Variants in WWOX observed in about 807,000 individuals in gnomAD.
WWOX encodes WW domain-containing oxidoreductase.
WWOX carries 69 observed loss-of-function variants against 46.2 expected under a neutral mutation model. That is an observed-to-expected ratio of 1.49 (90% CI 1.23 to 1.82). The LOEUF is 1.82. WWOX is among the 40% of genes most tolerant of loss of function. The probability of loss-of-function intolerance (pLI) is 0.00; values close to 1 mark genes in which losing one functional copy is unlikely to be tolerated. For missense variants in WWOX, 919 were observed against 542.6 expected, an observed-to-expected ratio of 1.69 and a Z score of -6.89; for synonymous variants, 359 against 202.6, an observed-to-expected ratio of 1.77 and a Z score of -6.56.
intron 5 of WWOX, among the ~76,000 whole-genome samples, chr16:78,357,930 T>G (rs1008514969): frequency 6.6e-6 from 1 of 152,164 alleles, no homozygotes; most frequent in African/African-American, 2.4e-5. Flanking sequence ...GTGGACGCAT[T>G]GAGTAGGAGA....
At chr16:78,309,569 T>C (rs1000957818) in intron 5 of WWOX, among the ~76,000 whole-genome samples, 2 of 152,136 alleles carry the variant, frequency 1.3e-5, no homozygotes, top group Admixed American at 1.3e-4. Flanking sequence ...TTTTTTCCCC[T>C]AAAGTGTATA....
chr16:79,165,010 T>C (rs765965493), intron 8 of WWOX, among the ~76,000 whole-genome samples: 14 of 152,164 alleles, frequency 9.2e-5, no homozygotes, highest in Non-Finnish European at 4.4e-5. Flanking sequence ...CACACCCTTA[T>C]GTATAGACTT....
At chr16:79,032,464 T>A (rs1331931568) in intron 8 of WWOX, among the ~76,000 whole-genome samples, 1 of 147,726 alleles carries the variant, frequency 6.8e-6, no homozygotes, top group African/African-American at 2.5e-5. Flanking sequence ...CTATATATTA[T>A]AATAAACCCA....
chr16:78,128,285 A>G (rs564630561), intron 4 of WWOX, among the ~76,000 whole-genome samples: 2 of 152,290 alleles, frequency 1.3e-5, no homozygotes, highest in South Asian at 2.1e-4. Flanking sequence ...ACAGGGTTGC[A>G]TGTCATGCAA....
At chr16:78,621,883 G>A (rs892768609) in intron 8 of WWOX, among the ~76,000 whole-genome samples, 1 of 151,982 alleles carries the variant, frequency 6.6e-6, no homozygotes, top group African/African-American at 2.4e-5. Context: ...GGGATTACAG[G>A]CGTGAGCCAC....
At chr16:78,928,712 C>G (rs530597478) in intron 8 of WWOX, among the ~76,000 whole-genome samples, 19 of 152,142 alleles carry the variant, frequency 1.2e-4, no homozygotes, top group African/African-American at 3.1e-4. Flanking sequence ...ATATTTGGCT[C>G]TCTTTCATCA....
At chr16:78,947,121 A>G (rs1479714893) in intron 8 of WWOX, among the ~76,000 whole-genome samples, 1 of 151,816 alleles carries the variant, frequency 6.6e-6, no homozygotes, top group Admixed American at 6.6e-5. Context: ...AAAGAGGGGG[A>G]AAAAGGAATG....
intron 5 of WWOX, among the ~76,000 whole-genome samples, chr16:78,258,762 G>A (rs1173153380): frequency 6.7e-6 from 1 of 149,018 alleles, no homozygotes; most frequent in Non-Finnish European, 1.5e-5. Context: ...AGGCCCACAT[G>A]GCTTTTCTTT....
intron 8 of WWOX, among the ~76,000 whole-genome samples, chr16:78,677,965 C>T (rs1214806152): frequency 2.6e-5 from 4 of 152,202 alleles, no homozygotes; most frequent in African/African-American, 9.6e-5. Flanking sequence ...GGGATGACAT[C>T]CTTAGCCACT....
chr16:78,833,906 G>A (rs893702127), intron 8 of WWOX, among the ~76,000 whole-genome samples: 1 of 152,246 alleles, frequency 6.6e-6, no homozygotes, highest in African/African-American at 2.4e-5. Context: ...TCTCCCAGTG[G>A]AATATAAGTT....
chr16:78,394,289 CAG>C (rs1198896485), intron 6 of WWOX, among the ~76,000 whole-genome samples: 5 of 152,256 alleles, frequency 3.3e-5, no homozygotes, highest in South Asian at 4.1e-4. Context: ...AAAAGAAAAA[CAG>C]AGGCAGTTTT....
chr16:79,128,583 G>T (rs1341211756), intron 8 of WWOX, among the ~76,000 whole-genome samples: 1 of 152,060 alleles, frequency 6.6e-6, no homozygotes, highest in Non-Finnish European at 1.5e-5. Context: ...GCTTTATAAC[G>T]GTTTGATTTC....
intron 8 of WWOX, among the ~76,000 whole-genome samples, chr16:78,496,894 C>A (rs2084931474): frequency 6.6e-6 from 1 of 152,176 alleles, no homozygotes; most frequent in South Asian, 2.1e-4. Context: ...CTGTTGAAGC[C>A]AGATGGCCTT....
chr16:78,499,188 T>G (rs944480374), intron 8 of WWOX, among the ~76,000 whole-genome samples: 2 of 151,622 alleles, frequency 1.3e-5, no homozygotes, highest in African/African-American at 4.8e-5. Context: ...CACTTGAAGG[T>G]GTCCACGCTG....
At chr16:78,898,072 C>A (rs879006845) in intron 8 of WWOX, 8 of 149,876 alleles carry the variant, frequency 5.3e-5, no homozygotes, top group African/African-American at 2.0e-4. Flanking sequence ...CTTTTTTTTT[C>A]ATATGTACTG....
At chr16:78,967,612 T>G (rs1214078617) in intron 8 of WWOX, among the ~76,000 whole-genome samples, 2 of 151,928 alleles carry the variant, frequency 1.3e-5, no homozygotes, top group Admixed American at 1.3e-4. Context: ...ATACCCCCTA[T>G]GTAGACTTTT....
intron 8 of WWOX, among the ~76,000 whole-genome samples, chr16:78,793,914 A>G (rs2142612409): frequency 6.6e-6 from 1 of 152,278 alleles, no homozygotes; most frequent in African/African-American, 2.4e-5. Context: ...TATTTGAAAA[A>G]AAAAAGTGAA....
At chr16:78,199,451 C>G (rs950395187) in intron 5 of WWOX, among the ~76,000 whole-genome samples, 3 of 152,128 alleles carry the variant, frequency 2.0e-5, no homozygotes, top group African/African-American at 7.2e-5. Flanking sequence ...ATTTCTAACC[C>G]AAGGGTCAAC....
At chr16:78,750,157 A>G (rs1469509003) in intron 8 of WWOX, among the ~76,000 whole-genome samples, 2 of 152,248 alleles carry the variant, frequency 1.3e-5, no homozygotes, top group Non-Finnish European at 2.9e-5. Context: ...CACCTCGGTG[A>G]AAGTAGAGGT....
Sources: gnomAD v4.1 joint callset for allele counts (sites outside exome capture counted in the v4.1 genomes callset) on GRCh38, gnomAD v4.1.1 for gene constraint, MANE v1.5 for transcripts, NCBI Gene and HGNC (gene_info 2026-07-23, HGNC 2026-07-21) for gene names.